SCAF1: variants seen among roughly 807,000 people sequenced by gnomAD.
SCAF1 encodes the protein SR-related CTD associated factor 1.
A neutral mutation model predicts 91.2 loss-of-function variants in SCAF1; 28 were observed. That is an observed-to-expected ratio of 0.31 (90% CI 0.23 to 0.42). The LOEUF (loss-of-function observed/expected upper bound fraction) is 0.42, where lower values mean the gene tolerates loss of function less well. Among genes scored for constraint, SCAF1 ranks in the 10% least tolerant of loss-of-function variants. SCAF1 has a pLI of 1.00. For synonymous variants in SCAF1, 1,036 were observed against 833.7 expected (o/e 1.24, Z -4.18); for missense variants, 1,893 against 1,872.1 (o/e 1.01, Z -0.21).
chr19:49,654,398 G>A lies in SCAF1; in HGVS notation c.3366G>A (p.Ala1122=), dbSNP rs757808830. 5.6e-6 allele frequency: 9 copies of A among 1,613,474 alleles called. No individual in the cohort carries two copies. The highest frequency in any genetic ancestry group is 5.5e-5 in the South Asian group (5 of 91,066). Residue 1122 remains alanine (A), a synonymous_variant, in exon 8 of 11, where the codon GCG becomes GCA. Transcript: ENST00000360565. The part of the protein sequence containing the change: ...KMEEANLASR[A]KAQELIQATN... Reference sequence around the variant, plus strand: ...AAGAAGCCAACCTGGCGAGCCGAGCGAAGGCCCAGGAGCTGATCCAGGCCA... The same window carrying A: ...AAGAAGCCAACCTGGCGAGCCGAGCAAAGGCCCAGGAGCTGATCCAGGCCA...
Position 49,645,039 on chromosome 19 carries a change from G to A in SCAF1, c.13G>A (p.Asp5Asn). 6.2e-7 allele frequency: 1 copy of A among 1,614,004 alleles called. No individual in the cohort carries two copies. The highest frequency in any genetic ancestry group is 8.5e-7 in the Non-Finnish European group (1 of 1,179,908). Reference protein sequence around the residue: MEEEDESRGKTEESG... With the variant: MEEENESRGKTEESG... The stretch of plus-strand genomic sequence containing the variant: ...CCCCCAGGTGACCATGGAGGAAGAA[G>A]ATGAGTCTCGAGGGAAGACAGAGGA... The change falls in exon 2 of 11, where the codon GAT (aspartate) becomes AAT (asparagine). Residue 5 changes from aspartate (D) to asparagine (N), a missense_variant. Around this residue, in one of 5 missense-constraint regions of SCAF1, gnomAD observed 270 missense variants for 292.5 expected, o/e 0.92. Transcript: ENST00000360565. The surrounding 1 kb of genome is among the most constrained non-coding windows in gnomAD (Gnocchi z 4.6).
At position 49,653,473 on chromosome 19, in the gene SCAF1, A is replaced by AGAAGAGGAGGAGGAAGAG; in HGVS notation, c.3099_3116dup (p.Glu1034_Glu1039dup). On this transcript the variant is annotated inframe_insertion, in exon 7 of 11. Coordinates refer to ENST00000360565, the MANE Select transcript of SCAF1 (RefSeq NM_021228.3). ...GGGCGGAGGAGGAGGAGGAGGAAGA[A>AGAAGAGGAGGAGGAAGAG]GAAGAGGAGGAGGAAGAGGAAGAGG... is the stretch of plus-strand genomic sequence containing the variant. 1.3e-6 allele frequency: 2 copies of AGAAGAGGAGGAGGAAGAG among 1,555,624 alleles called. No individual in the cohort carries two copies. Among genetic ancestry groups the AGAAGAGGAGGAGGAAGAG allele is most frequent in the Non-Finnish European group, 8.7e-7 (1 of 1,152,770 alleles).
rs1382516005 is a variant in SCAF1 at position 49,653,059 on chromosome 19, A to G, written c.2670A>G (p.Ala890=). ...DERAPTEMAK[A]APGSTKPKKT... is the part of the protein sequence containing the mutation. ...GGGCCCCCACTGAGATGGCCAAAGCAGCTCCGGGCAGCACCAAGCCCAAAA... is the reference window on the plus strand; with the variant it reads ...GGGCCCCCACTGAGATGGCCAAAGCGGCTCCGGGCAGCACCAAGCCCAAAA... Residue 890 remains alanine (A), a synonymous_variant, in exon 7 of 11, where the codon GCA becomes GCG. Coordinates refer to ENST00000360565, the MANE Select transcript of SCAF1 (RefSeq NM_021228.3). The G allele has an allele frequency of 6.2e-7, 1 of 1,613,928 alleles. No homozygotes were observed. The highest frequency in any genetic ancestry group is 1.3e-5 in the African/African-American group (1 of 75,054).
chr19:49,646,318 G>T lies in SCAF1; in HGVS notation c.261+116G>T. On this transcript the variant is annotated intron_variant, in intron 4 of 10. Transcript: ENST00000360565. The surrounding 1 kb of genome is among the most constrained non-coding windows in gnomAD (Gnocchi z 5.6). ...CCTGGACTCCTGGCTCTGCGATGCT[G>T]ACCAGGGGCAATGTTGGAGAGTCTG... is the stretch of plus-strand genomic sequence containing the variant. 1 of 964,882 alleles carries T rather than the reference G, an allele frequency of 1.0e-6. No homozygotes were observed. The highest frequency in any genetic ancestry group is 1.6e-5 in the South Asian group (1 of 64,092). 59.8% of individuals were successfully genotyped at this position (964,882 alleles called of 1,614,324 possible).
rs2081053051 is a variant in SCAF1, at chr19:49,646,084, T to C, written c.167-24T>C. ...TCTGCAGCAAGTCCCCTGTGTCCAA[T>C]CCCCCATGCAAATCTCTCACCAGAT... On this transcript the variant is annotated intron_variant, in intron 3 of 10. Coordinates refer to ENST00000360565, the MANE Select transcript of SCAF1 (RefSeq NM_021228.3). This position sits in a 1 kb window ranked among gnomAD's most constrained non-coding sequence, Gnocchi z 5.6. The C allele has an allele frequency of 1.2e-6, 2 of 1,603,020 alleles. No homozygotes were observed. Among genetic ancestry groups the C allele is most frequent in the Non-Finnish European group, 1.7e-6 (2 of 1,172,510 alleles).
At chr19:49,640,512 G>C (rs1444637247), upstream of SCAF1, among the ~76,000 whole-genome samples, 1 of 152,194 alleles carries the variant, frequency 6.6e-6, no homozygotes, top group Non-Finnish European at 1.5e-5. Context: ...CATCGTCTCC[G>C]AGGCCTTAGT....
chr19:49,652,472 G>A lies in SCAF1; in HGVS notation c.2083G>A (p.Asp695Asn), dbSNP rs1048865718. ...AVPPSIQDLTDHDLFAIKRTI... is the reference protein window; with the variant it reads ...AVPPSIQDLTNHDLFAIKRTI... Reference sequence around the variant, plus strand: ...GCCACCCTCCATCCAGGACCTCACGGACCACGACCTCTTCGCCATCAAGCG... The same window carrying A: ...GCCACCCTCCATCCAGGACCTCACGAACCACGACCTCTTCGCCATCAAGCG... Residue 695 changes from aspartate (D) to asparagine (N), a missense_variant, in exon 7 of 11, where the codon GAC (aspartate) becomes AAC (asparagine). Physicochemically the swap from Asp to Asn is conservative, Grantham distance 23. Around this residue, in one of 5 missense-constraint regions of SCAF1, gnomAD observed 1,436 missense variants for 1,306.8 expected, o/e 1.10. Transcript: ENST00000360565. 2 of 1,597,628 alleles carry A rather than the reference G, an allele frequency of 1.3e-6. No homozygotes were observed. The highest frequency in any genetic ancestry group is 1.7e-6 in the Non-Finnish European group (2 of 1,175,080).
At chr19:49,648,782 C>A (rs2081069661) in intron 6 of SCAF1, among the ~76,000 whole-genome samples, 2 of 151,814 alleles carry the variant, frequency 1.3e-5, no homozygotes, top group Admixed American at 6.6e-5. Context: ...ACCATCCTGG[C>A]CAACATGGTG....
Position 49,646,415 on chromosome 19 carries a change from T to C in SCAF1, c.262-111T>C. 1 of 1,017,202 alleles carries C rather than the reference T, an allele frequency of 9.8e-7. No individual in the cohort carries two copies. The highest frequency in any genetic ancestry group is 1.9e-5 in the Admixed American group (1 of 53,536). The allele number at this position is 1,017,202 out of a possible 1,614,324, so 63.0% of individuals were successfully genotyped here. On this transcript the variant is annotated intron_variant, in intron 4 of 10. Coordinates refer to ENST00000360565, the MANE Select transcript of SCAF1 (RefSeq NM_021228.3). The surrounding 1 kb of genome is among the most constrained non-coding windows in gnomAD (Gnocchi z 5.6). Reference sequence around the variant, plus strand: ...GCTATAGGAATTAGATCCTCAGTTTTCTTGGGGATCTTAGATGTCTGGGTT... The same window carrying C: ...GCTATAGGAATTAGATCCTCAGTTTCCTTGGGGATCTTAGATGTCTGGGTT...
chr19:49,645,261 T>C lies in SCAF1; in HGVS notation c.109-93T>C. On this transcript the variant is annotated intron_variant, in intron 2 of 10. Coordinates refer to ENST00000360565, the MANE Select transcript of SCAF1 (RefSeq NM_021228.3). The surrounding 1 kb of genome is among the most constrained non-coding windows in gnomAD (Gnocchi z 4.6). ...CTCCCTTGAAGCACTTGAGTCTAGC[T>C]GTCAGTGTCTGGGATGTCTGTCTCC... The C allele has an allele frequency of 1.3e-6, 2 of 1,509,080 alleles. No homozygotes were observed. The highest frequency in any genetic ancestry group is 2.3e-5 in the South Asian group (2 of 88,832). The allele number at this position is 1,509,080 out of a possible 1,614,324, so 93.5% of individuals were successfully genotyped here.
In SCAF1 at chr19:49,650,942, GC is replaced by G; in HGVS notation, c.557del (p.Pro186HisfsTer125). 6.3e-7 allele frequency: 1 copy of G among 1,583,800 alleles called. No individual in the cohort carries two copies. The highest frequency in any genetic ancestry group is 8.6e-7 in the Non-Finnish European group (1 of 1,161,398). On this transcript the variant is annotated frameshift_variant, in exon 7 of 11. Coordinates refer to ENST00000360565, the MANE Select transcript of SCAF1 (RefSeq NM_021228.3). LOFTEE classifies it high-confidence loss of function. ...LTLGTGDGGP[A>X]PPPAPSSASS... is the part of the protein sequence containing the mutation. ...CTTGGGCACGGGAGACGGGGGCCCT[GC>G]CCCACCCCCTGCCCCCTCCTCTGCA...
At chr19:49,653,734 TG>T (rs1204891219) in intron 7 of SCAF1, 29 bp downstream of exon 7, 7 of 1,482,730 alleles carry the variant, frequency 4.7e-6, no homozygotes, top group South Asian at 2.7e-5. Context: ...AGGGTGGTGC[TG>T]GGGCAGGTGA....
At chr19:49,655,747 C>G (rs955093743) in intron 9 of SCAF1, among the ~76,000 whole-genome samples, 13 of 152,260 alleles carry the variant, frequency 8.5e-5, no homozygotes, top group South Asian at 8.3e-4. Context: ...TCACTGTAGC[C>G]TCAGCCTTGA....
rs530312887 is a variant in SCAF1, at chr19:49,654,778, G to A, written c.3526G>A (p.Gly1176Ser). Residue 1176 changes from glycine (G) to serine (S), a missense_variant, in exon 9 of 11, where the codon GGT becomes AGT. Transcript: ENST00000360565. ...LPGSLPLGGC[G>S]STPPTPTGLA... is the part of the protein sequence containing the mutation. ...TGGCAGCCTCCCTCTGGGGGGCTGCGGTTCGACCCCCCCCACCCCCACCGG... is the reference window on the plus strand; with the variant it reads ...TGGCAGCCTCCCTCTGGGGGGCTGCAGTTCGACCCCCCCCACCCCCACCGG... 5.5e-5 allele frequency: 88 copies of A among 1,613,224 alleles called. No homozygotes were observed. The East Asian group carries it at 1.6e-3, about 29-fold the overall frequency.
At position 49,646,425 on chromosome 19, in the gene SCAF1, C is replaced by T. The variant is rs1321722223; in HGVS notation, c.262-101C>T. On this transcript the variant is annotated intron_variant, in intron 4 of 10. Coordinates refer to ENST00000360565, the MANE Select transcript of SCAF1 (RefSeq NM_021228.3). This position sits in a 1 kb window ranked among gnomAD's most constrained non-coding sequence, Gnocchi z 5.6. ...TTAGATCCTCAGTTTTCTTGGGGAT[C>T]TTAGATGTCTGGGTTCCTGAGAGGT... is the stretch of plus-strand genomic sequence containing the variant. 1.8e-6 allele frequency: 2 copies of T among 1,087,610 alleles called. No individual in the cohort carries two copies. Among genetic ancestry groups the T allele is most frequent in the African/African-American group, 3.1e-5 (2 of 64,390 alleles). The allele number at this position is 1,087,610 out of a possible 1,614,324, so 67.4% of individuals were successfully genotyped here.
At position 49,651,521 on chromosome 19, in the gene SCAF1, GCCCTCCCGCCGC is replaced by G; in HGVS notation, c.1137_1148del (p.Pro380_Leu383del). The stretch of plus-strand genomic sequence containing the variant: ...GGAGGTGGTGACCGCTGGTGGAGCC[GCCCTCCCGCCGC>G]CCCTGCTGCCGCCCGGCGACTCGGA... On this transcript the variant is annotated inframe_deletion, in exon 7 of 11. Coordinates refer to ENST00000360565, the MANE Select transcript of SCAF1 (RefSeq NM_021228.3). The G allele has an allele frequency of 6.4e-7, 1 of 1,566,696 alleles. No individual in the cohort carries two copies. Among genetic ancestry groups the G allele is most frequent in the Non-Finnish European group, 8.6e-7 (1 of 1,158,526 alleles).
chr19:49,654,475 C>T, intron 8 of SCAF1, 44 bp downstream of exon 8: 1 of 1,578,118 alleles, frequency 6.3e-7, no homozygotes, highest in African/African-American at 1.3e-5. Flanking sequence ...CTTCTTTTGT[C>T]CATTGCCTCG....
chr19:49,653,064 CG>C lies in SCAF1; in HGVS notation c.2678del (p.Gly893AlafsTer50). On this transcript the variant is annotated frameshift_variant, in exon 7 of 11. Coordinates refer to ENST00000360565, the MANE Select transcript of SCAF1 (RefSeq NM_021228.3). LOFTEE classifies it high-confidence loss of function. Reference protein sequence around the residue: ...RAPTEMAKAAPGSTKPKKTKV... With the variant: ...RAPTEMAKAAXGSTKPKKTKV... ...CCCACTGAGATGGCCAAAGCAGCTC[CG>C]GGCAGCACCAAGCCCAAAAAGACCA... 6.2e-7 allele frequency: 1 copy of C among 1,613,742 alleles called. No homozygotes were observed. Among genetic ancestry groups the C allele is most frequent in the Non-Finnish European group, 8.5e-7 (1 of 1,179,860 alleles).
rs1281596106 is a variant in SCAF1 at position 49,645,305 on chromosome 19, A to AAGC, written c.109-47_109-45dup. 3 of 1,601,176 alleles carry AAGC rather than the reference A, an allele frequency of 1.9e-6. No individual in the cohort carries two copies. The highest frequency in any genetic ancestry group is 2.6e-6 in the Non-Finnish European group (3 of 1,168,702). ...TGTCTCCCAAGGGGCAGAGGTTGCA[A>AAGC]AGCATCTGCCTGGGTCCTCTGACGC... is the stretch of plus-strand genomic sequence containing the variant. On this transcript the variant is annotated intron_variant, in intron 2 of 10. Coordinates refer to ENST00000360565, the MANE Select transcript of SCAF1 (RefSeq NM_021228.3). The surrounding 1 kb of genome is among the most constrained non-coding windows in gnomAD (Gnocchi z 4.6).
Sources: gnomAD v4.1 joint callset for allele counts (sites outside exome capture counted in the v4.1 genomes callset) on GRCh38, gnomAD v4.1.1 for gene constraint, gnomAD v4.1.1 regional missense constraint, Gnocchi (gnomAD v3.1) non-coding constraint, MANE v1.5 for transcripts, NCBI Gene and HGNC (gene_info 2026-07-23, HGNC 2026-07-21) for gene names.